ZNF26: variants seen among roughly 807,000 people sequenced by gnomAD.
ZNF26 encodes epididymis luminal protein 179.
ZNF26 carries 32 observed loss-of-function variants against 54.9 expected under a neutral mutation model. The ratio of observed to expected loss-of-function variants is 0.58; its 90% CI spans 0.44 to 0.78. The LOEUF is 0.78. ZNF26 is among the 30% of genes least tolerant of loss of function. The pLI is 0.00. For synonymous variants in ZNF26, 221 were observed against 209.2 expected, an observed-to-expected ratio of 1.06 and a Z score of -0.49; for missense variants, 524 against 634.0, an observed-to-expected ratio of 0.83 and a Z score of 1.86.
rs1953472473 is a variant in ZNF26, at chr12:133,011,520, G to C, written c.*39G>C. The C allele has an allele frequency of 6.0e-6, 9 of 1,509,390 alleles. No homozygotes were observed. The highest frequency in any genetic ancestry group is 7.9e-6 in the Non-Finnish European group (9 of 1,132,226). The allele number at this position is 1,509,390 out of a possible 1,614,324, so 93.5% of individuals were successfully genotyped here. On this transcript the variant is annotated 3_prime_UTR_variant, in exon 4 of 4. Coordinates refer to ENST00000328654, the MANE Select transcript of ZNF26 (RefSeq NM_019591.4). Reference sequence around the variant, plus strand: ...TGCAATGTGAGAAACTGATGTTCAGGAGACTTCGGATAATATAGACAGGAT... The same window carrying C: ...TGCAATGTGAGAAACTGATGTTCAGCAGACTTCGGATAATATAGACAGGAT...
At chr12:132,988,822 A>C (rs1005849330) in intron 1 of ZNF26, among the ~76,000 whole-genome samples, 59 of 152,208 alleles carry the variant, frequency 3.9e-4, no homozygotes, top group African/African-American at 1.4e-3. Context: ...AGTTTTTCTC[A>C]TATAGATTTT....
At position 133,001,515 on chromosome 12, in the gene ZNF26, C is replaced by A; in HGVS notation, c.34-5527C>A. On this transcript the variant is annotated intron_variant, in intron 1 of 3. Transcript: ENST00000328654. The surrounding 1 kb of genome is among the most constrained non-coding windows in gnomAD (Gnocchi z 4.7). The stretch of plus-strand genomic sequence containing the variant: ...AGGCATCAGTGGGGCTTGGTTGGAG[C>A]CTCTGACAGGGCTCTGCCCTGCAGT... 1 of 454,544 alleles carries A rather than the reference C, an allele frequency of 2.2e-6. No homozygotes were observed. Among genetic ancestry groups the A allele is most frequent in the Non-Finnish European group, 3.8e-6 (1 of 263,380 alleles). 28.2% of individuals were successfully genotyped at this position (454,544 alleles called of 1,614,324 possible).
At chr12:132,999,251 T>TTTTG (rs1416888022) in intron 1 of ZNF26, among the ~76,000 whole-genome samples, 103 of 152,322 alleles carry the variant, frequency 6.8e-4, no homozygotes, top group Non-Finnish European at 1.8e-4. Flanking sequence ...CTCTTAGTTT[T>TTTTG]TTTGTTTGTT....
At chr12:132,992,833 C>T (rs897946978) in intron 1 of ZNF26, among the ~76,000 whole-genome samples, 8 of 151,496 alleles carry the variant, frequency 5.3e-5, no homozygotes, top group African/African-American at 1.7e-4. Context: ...TGCATATCTA[C>T]ACCTTTTGTG....
intron 1 of ZNF26, chr12:133,006,264 G>A (rs1953323549): frequency 2.0e-6 from 2 of 985,422 alleles, no homozygotes; most frequent in African/African-American, 1.7e-5. Context: ...ACTCCTGCAA[G>A]TAGAAGGATA....
chr12:133,021,126 T>C lies in ZNF26; in HGVS notation c.*9645T>C, dbSNP rs1278352891. On this transcript the variant is annotated 3_prime_UTR_variant, in exon 4 of 4. Transcript: ENST00000328654. ...TTTTTTTTTTCTTTTTCATTTTTTTTTTTTTTTTTTGAGACGGAATCTCAC... is the reference window on the plus strand; with the variant it reads ...TTTTTTTTTTCTTTTTCATTTTTTTCTTTTTTTTTTGAGACGGAATCTCAC... 1 of 149,262 alleles carries C rather than the reference T, an allele frequency of 6.7e-6. No homozygotes were observed. The allele number at this position is 149,262 out of a possible 1,614,324, so 9.2% of individuals were successfully genotyped here.
At chr12:133,000,518 G>C (rs1953190311) in intron 1 of ZNF26, among the ~76,000 whole-genome samples, 1 of 151,184 alleles carries the variant, frequency 6.6e-6, no homozygotes, top group Admixed American at 6.6e-5. Context: ...TCCGCCTCCA[G>C]GGTTCACGCC....
rs372924982 is a variant in ZNF26 at position 132,991,636 on chromosome 12, A to ACAACAACAAC, written c.33+4763_33+4764insCAACAACAAC. Among the ~76,000 whole-genome samples the ACAACAACAAC allele has an allele frequency of 3.2e-3, 476 of 148,638 alleles. 1 individual carries two copies. The highest frequency in any genetic ancestry group is 0.012 in the African/African-American group (460 of 39,112). On this transcript the variant is annotated intron_variant, in intron 1 of 3. Coordinates refer to ENST00000328654, the MANE Select transcript of ZNF26 (RefSeq NM_019591.4). ...TACAAAACAACAACAACAACAAAAAAAAAAAAAACCTAAAAAAAAAACCAG... is the reference window on the plus strand; with the variant it reads ...TACAAAACAACAACAACAACAAAAAACAACAACAACAAAAAAAACCTAAAAAAAAAACCAG...
chr12:132,992,459 A>C (rs1952984757), intron 1 of ZNF26, among the ~76,000 whole-genome samples: 1 of 150,816 alleles, frequency 6.6e-6, no homozygotes, highest in African/African-American at 2.4e-5. Flanking sequence ...GTTTTTTGGC[A>C]TTTATCTTCT....
intron 1 of ZNF26, among the ~76,000 whole-genome samples, chr12:132,992,147 C>CA (rs60317056): frequency 0.022 from 3,126 of 143,276 alleles, 97 homozygotes; most frequent in African/African-American, 0.074. Flanking sequence ...GACCCTATCT[C>CA]AAAAAAAAAA....
At chr12:133,008,930 G>A (rs1210941901) in intron 3 of ZNF26, among the ~76,000 whole-genome samples, 1 of 152,122 alleles carries the variant, frequency 6.6e-6, no homozygotes, top group African/African-American at 2.4e-5. Flanking sequence ...AAGGCAAAGG[G>A]GGAGCAAGCA....
In ZNF26 at chr12:133,021,782, A is replaced by G. The variant is rs200383045; in HGVS notation, c.*10301A>G. 2 of 1,632 alleles carry G rather than the reference A, an allele frequency of 1.2e-3. No individual in the cohort carries two copies. Among genetic ancestry groups the G allele is most frequent in the Non-Finnish European group, 0.014 (2 of 148 alleles). The allele number at this position is 1,632 out of a possible 1,614,324, so 0.1% of individuals were successfully genotyped here. ...ACTGTCTCAGAAAAAAGAAAGAAAGAAAAACGTTTATTTGTAGAGAAAGCT... is the reference window on the plus strand; with the variant it reads ...ACTGTCTCAGAAAAAAGAAAGAAAGGAAAACGTTTATTTGTAGAGAAAGCT... On this transcript the variant is annotated 3_prime_UTR_variant, in exon 4 of 4. Transcript: ENST00000328654.
rs1953476599 is a variant in ZNF26 at position 133,011,675 on chromosome 12, G to A, written c.*194G>A. On this transcript the variant is annotated 3_prime_UTR_variant, in exon 4 of 4. Coordinates refer to ENST00000328654, the MANE Select transcript of ZNF26 (RefSeq NM_019591.4). ...ATCTTTGTAGATGAAAATAATGGAA[G>A]GAATGTGGAGCAATAAATGTATCAA... The A allele has an allele frequency of 2.3e-6, 1 of 442,298 alleles. No individual in the cohort carries two copies. The highest frequency in any genetic ancestry group is 3.9e-6 in the Non-Finnish European group (1 of 257,690). The allele number at this position is 442,298 out of a possible 1,614,324, so 27.4% of individuals were successfully genotyped here. A position where few individuals can be genotyped will look rare whatever the true frequency, so the allele number is the denominator to read the frequency against.
chr12:132,988,351 T>C (rs1252680498), intron 1 of ZNF26, among the ~76,000 whole-genome samples: 1 of 152,122 alleles, frequency 6.6e-6, no homozygotes, highest in East Asian at 1.9e-4. Flanking sequence ...ATCCTCCACC[T>C]CAGCCTCCTG....
intron 1 of ZNF26, among the ~76,000 whole-genome samples, chr12:133,004,237 C>T (rs1953279239): frequency 6.6e-6 from 1 of 152,162 alleles, no homozygotes; most frequent in Admixed American, 6.5e-5. Context: ...GCACACTGAA[C>T]GTTTCCCTTT....
In ZNF26 at chr12:133,020,049, T is replaced by C. The variant is rs1953618350; in HGVS notation, c.*8568T>C. On this transcript the variant is annotated 3_prime_UTR_variant, in exon 4 of 4. Coordinates refer to ENST00000328654, the MANE Select transcript of ZNF26 (RefSeq NM_019591.4). ...AGGCGGAGGTTGCAGTGAGTTGAGA[T>C]TGAACTGCTGCCCTCCAGCCTGGGC... The C allele has an allele frequency of 6.6e-6, 1 of 152,076 alleles. No homozygotes were observed. Among genetic ancestry groups the C allele is most frequent in the Non-Finnish European group, 1.5e-5 (1 of 68,040 alleles). The allele number at this position is 152,076 out of a possible 1,614,324, so 9.4% of individuals were successfully genotyped here. A position where few individuals can be genotyped will look rare whatever the true frequency, so the allele number is the denominator to read the frequency against.
chr12:132,994,419 T>G (rs1366457914), intron 1 of ZNF26, among the ~76,000 whole-genome samples: 2 of 152,220 alleles, frequency 1.3e-5, no homozygotes, highest in African/African-American at 2.4e-5. Context: ...ACTCTTTACA[T>G]GCAGAACTGG....
chr12:133,011,251 G>A lies in ZNF26; in HGVS notation c.1372G>A (p.Glu458Lys), dbSNP rs1953466677. The stretch of plus-strand genomic sequence containing the variant: ...AACTGAGAAGCCCTATGAATGCAAT[G>A]AATGTGAAAAAGCCTACCCTAGGAA... ...HSTEKPYECN[E>K]CEKAYPRKAS... Residue 458 changes from glutamate to lysine, a missense_variant, in exon 4 of 4, where the codon GAA becomes AAA. Physicochemically the swap from Glu to Lys is moderately conservative, Grantham distance 56 (BLOSUM62 1). Transcript: ENST00000328654. 6.2e-7 allele frequency: 1 copy of A among 1,613,894 alleles called. No homozygotes were observed. Among genetic ancestry groups the A allele is most frequent in the Admixed American group, 1.7e-5 (1 of 59,974 alleles).
chr12:133,010,787 T>C lies in ZNF26; in HGVS notation c.908T>C (p.Val303Ala), dbSNP rs1169226548. The change falls in exon 4 of 4, where the codon GTA becomes GCA. Residue 303 changes from valine to alanine, a missense_variant. Val to Ala is a moderately conservative substitution (Grantham distance 64). Coordinates refer to ENST00000328654, the MANE Select transcript of ZNF26 (RefSeq NM_019591.4). ...KAFSLKSPFV[V>A]HQRTHTGVKP... Reference sequence around the variant, plus strand: ...TTTAGTTTGAAGTCTCCATTCGTTGTACACCAGAGAACTCATACAGGAGTG... The same window carrying C: ...TTTAGTTTGAAGTCTCCATTCGTTGCACACCAGAGAACTCATACAGGAGTG... 1.2e-6 allele frequency: 2 copies of C among 1,613,828 alleles called. No homozygotes were observed. The highest frequency in any genetic ancestry group is 1.7e-6 in the Non-Finnish European group (2 of 1,180,002).
Sources: gnomAD v4.1 joint callset for allele counts (sites outside exome capture counted in the v4.1 genomes callset) on GRCh38, gnomAD v4.1.1 for gene constraint, Gnocchi (gnomAD v3.1) non-coding constraint, MANE v1.5 for transcripts, NCBI Gene and HGNC (gene_info 2026-07-23, HGNC 2026-07-21) for gene names.